Variants in IGSF10 observed in about 807,000 individuals in gnomAD.
IGSF10 encodes the protein immunoglobulin superfamily member 10.
A neutral mutation model predicts 128.2 loss-of-function variants in IGSF10; 126 were observed. The observed-to-expected ratio is 0.98, with a 90% CI of 0.85 to 1.14. The LOEUF (loss-of-function observed/expected upper bound fraction) is 1.14, where lower values mean the gene tolerates loss of function less well. Among genes scored for constraint, IGSF10 ranks in the 50% most tolerant of loss-of-function variants. The pLI, the probability that IGSF10 is intolerant of heterozygous loss-of-function variation, is 0.00. For synonymous variants in IGSF10, 1,185 were observed against 1,146.2 expected, an observed-to-expected ratio of 1.03 and a Z score of -0.68; for missense variants, 3,295 against 3,149.8, an observed-to-expected ratio of 1.05 and a Z score of -1.10.
At chr3:151,480,276 A>C in the IGSF10 span, among the ~76,000 whole-genome samples, 1 of 152,154 alleles carries the variant, frequency 6.6e-6, no homozygotes, top group African/African-American at 2.4e-5. Flanking sequence ...TGGAGAAGGG[A>C]AGGAAACACC....
the IGSF10 span, among the ~76,000 whole-genome samples, chr3:151,609,255 G>A: frequency 5.3e-5 from 8 of 152,276 alleles, no homozygotes; most frequent in Admixed American, 4.6e-4. Flanking sequence ...AGCATATCTG[G>A]GGCACAATGA....
At chr3:151,526,324 A>T in the IGSF10 span, among the ~76,000 whole-genome samples, 2 of 148,342 alleles carry the variant, frequency 1.3e-5, no homozygotes, top group African/African-American at 2.5e-5. Context: ...ATTTTTCTTG[A>T]TTGTTTTTTT....
In IGSF10 at chr3:151,437,298, C is replaced by T. The variant is rs780262265; in HGVS notation, c.7263G>A (p.Glu2421=). The stretch of plus-strand genomic sequence containing the variant: ...GGCCAATTTCTAATATGACTAATTT[C>T]TCAATATAGCCAACTTTATTCCTAG... ...CAARNKVGYI[E]KLVILEIGQK... Residue 2421 remains glutamate (E), a synonymous_variant, in exon 8 of 8, where the codon GAG becomes GAA. Coordinates refer to ENST00000282466, the MANE Select transcript of IGSF10 (RefSeq NM_178822.5). 26 of 1,614,066 alleles carry T rather than the reference C, an allele frequency of 1.6e-5. No homozygotes were observed. Among genetic ancestry groups the T allele is most frequent in the Non-Finnish European group, 2.1e-5 (25 of 1,180,034 alleles).
In IGSF10 at chr3:151,447,513, G is replaced by A. The variant is rs777701475; in HGVS notation, c.2468C>T (p.Ala823Val). ...ALNLPARTVT[A>V]DSRTISDSPM... ...ACTATCAGATATTGTTCTGGAGTCA[G>A]CAGTCACTGTCCTTGCTGGAAGGTT... Residue 823 changes from alanine to valine, a missense_variant, in exon 6 of 8, where the codon GCT becomes GTT. Physicochemically the swap from Ala to Val is moderately conservative, Grantham distance 64. Coordinates refer to ENST00000282466, the MANE Select transcript of IGSF10 (RefSeq NM_178822.5). 1.9e-5 allele frequency: 31 copies of A among 1,614,038 alleles called. No homozygotes were observed. Among genetic ancestry groups the A allele is most frequent in the Non-Finnish European group, 2.6e-5 (31 of 1,179,982 alleles).
At chr3:151,594,479 A>G in the IGSF10 span, among the ~76,000 whole-genome samples, 13 of 151,508 alleles carry the variant, frequency 8.6e-5, no homozygotes, top group Admixed American at 3.9e-4. Flanking sequence ...GACTACAGGC[A>G]CCCGCCACCA....
upstream of IGSF10, among the ~76,000 whole-genome samples, chr3:151,462,819 T>G (rs367954472): frequency 1.1e-4 from 16 of 152,336 alleles, no homozygotes; most frequent in East Asian, 2.5e-3. Flanking sequence ...ACATGGTCTT[T>G]AGCTCTGCAG....
At chr3:151,463,408 G>C (rs932175296), upstream of IGSF10, among the ~76,000 whole-genome samples, 10 of 151,208 alleles carry the variant, frequency 6.6e-5, no homozygotes, top group Non-Finnish European at 1.5e-4. Flanking sequence ...AATTATACCA[G>C]TTTTTCAGAT....
the IGSF10 span, among the ~76,000 whole-genome samples, chr3:151,569,331 T>A: frequency 6.6e-6 from 1 of 152,208 alleles, no homozygotes; most frequent in East Asian, 1.9e-4. Context: ...CTCAGCCTTC[T>A]ATAGTGCCAG....
the IGSF10 span, among the ~76,000 whole-genome samples, chr3:151,519,823 G>A: frequency 1.3e-5 from 2 of 151,714 alleles, no homozygotes; most frequent in Non-Finnish European, 3.0e-5. Context: ...TGGGCCTGTA[G>A]GCTACTATGT....
the IGSF10 span, among the ~76,000 whole-genome samples, chr3:151,617,545 T>C: frequency 6.6e-6 from 1 of 151,788 alleles, no homozygotes; most frequent in Non-Finnish European, 1.5e-5. Flanking sequence ...TCAAGATGAA[T>C]TGTCACTTGA....
the IGSF10 span, among the ~76,000 whole-genome samples, chr3:151,542,178 C>A: frequency 1.3e-5 from 2 of 152,094 alleles, no homozygotes; most frequent in Non-Finnish European, 2.9e-5. Context: ...AAAATAAATC[C>A]ATTATTTTAT....
chr3:151,445,350 G>A lies in IGSF10; in HGVS notation c.4631C>T (p.Ser1544Phe), dbSNP rs140358152. The stretch of plus-strand genomic sequence containing the variant: ...CATGGGAGTAGAATGTAACAGATTA[G>A]AGTAGATGAAGTGAGTGGTTCCAAT... ...FTIGTTHFIY[S>F]NLLHSTPMPA... Residue 1544 changes from serine (S) to phenylalanine (F), a missense_variant, in exon 6 of 8, where the codon TCT becomes TTT. By Grantham distance (155) the Ser-to-Phe change is radical. Coordinates refer to ENST00000282466, the MANE Select transcript of IGSF10 (RefSeq NM_178822.5). The A allele has an allele frequency of 1.3e-4, 211 of 1,614,104 alleles. No individual in the cohort carries two copies. Among genetic ancestry groups the A allele is most frequent in the African/African-American group, 1.2e-3 (89 of 74,942 alleles).
At chr3:151,543,645 A>G in the IGSF10 span, among the ~76,000 whole-genome samples, 9 of 152,136 alleles carry the variant, frequency 5.9e-5, no homozygotes, top group Admixed American at 5.2e-4. Flanking sequence ...CCCTGTGCAC[A>G]GTGTCAGCAG....
At chr3:151,533,155 AAG>A in the IGSF10 span, among the ~76,000 whole-genome samples, 123 of 152,334 alleles carry the variant, frequency 8.1e-4, no homozygotes, top group African/African-American at 2.8e-3. Flanking sequence ...TCAAGGAAAT[AAG>A]AGAGAACACA....
chr3:151,455,735 C>T (rs1369748572), intron 4 of IGSF10, among the ~76,000 whole-genome samples: 1 of 152,102 alleles, frequency 6.6e-6, no homozygotes, highest in Non-Finnish European at 1.5e-5. Context: ...TAAGAGGTGT[C>T]TTATACTTTT....
Position 151,437,910 on chromosome 3 carries a change from A to T in IGSF10, c.6651T>A (p.Asn2217Lys), listed in dbSNP as rs776539675. The T allele has an allele frequency of 2.5e-6, 4 of 1,613,996 alleles. No homozygotes were observed. Among genetic ancestry groups the T allele is most frequent in the South Asian group, 2.2e-5 (2 of 91,084 alleles). ...ACATTTTGGTGTCATCCCCACTGGG[A>T]TTTCGGGCTACACATACGTACTCTC... ...DSGEYVCVAR[N>K]PSGDDTKMYK... The change falls in exon 8 of 8, where the codon AAT (asparagine) becomes AAA (lysine). Residue 2217 changes from asparagine to lysine, a missense_variant. Asn to Lys is a moderately conservative substitution (Grantham distance 94, BLOSUM62 0). Transcript: ENST00000282466.
the IGSF10 span, among the ~76,000 whole-genome samples, chr3:151,574,393 A>G: frequency 6.6e-6 from 1 of 151,838 alleles, no homozygotes; most frequent in Non-Finnish European, 1.5e-5. Context: ...TAGTCCCATA[A>G]TTTTTGGAGG....
the IGSF10 span, among the ~76,000 whole-genome samples, chr3:151,600,444 A>G: frequency 6.6e-6 from 1 of 152,152 alleles, no homozygotes. Context: ...TGCAAACTAT[A>G]CTGTATATTC....
chr3:151,471,034 C>A, the IGSF10 span, among the ~76,000 whole-genome samples: 1 of 152,066 alleles, frequency 6.6e-6, no homozygotes, highest in Admixed American at 6.5e-5. Context: ...GTGTCCCCAC[C>A]GAAATCGCAC....
Sources: allele counts gnomAD v4.1 joint callset (sites outside exome capture counted in the v4.1 genomes callset), GRCh38; gene constraint gnomAD v4.1.1; transcripts MANE v1.5; gene names NCBI Gene and HGNC (gene_info 2026-07-23, HGNC 2026-07-21).